PCDHA7: variants seen among roughly 807,000 people sequenced by gnomAD.
PCDHA7 encodes the protein protocadherin alpha-7.
In PCDHA7, 37 loss-of-function variants were observed where a neutral mutation model predicts 57.2. That is an observed-to-expected ratio of 0.65 (90% CI 0.50 to 0.85). The LOEUF (loss-of-function observed/expected upper bound fraction) is 0.85, where lower values mean the gene tolerates loss of function less well. PCDHA7 is among the 40% of genes least tolerant of loss of function. The pLI is 0.00. For missense variants in PCDHA7, 1,188 were observed against 1,241.8 expected (o/e 0.96, Z 0.65); for synonymous variants, 553 against 558.8 (o/e 0.99, Z 0.15).
rs567371259 is a variant in PCDHA7, at chr5:140,910,950, G to A, written c.2356-67999G>A. ...TAAGAAAGCTCAAGCAGTTCTTTTC[G>A]AGTGTAGCACACCTCCTCATGGGTT... On this transcript the variant is annotated intron_variant, in intron 1 of 3. Coordinates refer to ENST00000525929, the MANE Select transcript of PCDHA7 (RefSeq NM_018910.3). Among the ~76,000 whole-genome samples, 203 of 152,092 alleles carry A rather than the reference G, an allele frequency of 1.3e-3. 1 individual carries two copies. Among genetic ancestry groups the A allele is most frequent in the Non-Finnish European group, 2.4e-3 (165 of 68,000 alleles).
chr5:140,971,263 C>T (rs1554233162), intron 1 of PCDHA7, among the ~76,000 whole-genome samples: 1 of 152,186 alleles, frequency 6.6e-6, no homozygotes, highest in African/African-American at 2.4e-5. Flanking sequence ...CTATTTCTGT[C>T]TTACACTGAC....
Position 140,849,622 on chromosome 5 carries a change from A to G in PCDHA7, c.2355+12884A>G. The G allele has an allele frequency of 1.9e-6, 3 of 1,598,702 alleles. 1 individual carries two copies. The highest frequency in any genetic ancestry group is 2.6e-6 in the Non-Finnish European group (3 of 1,167,960). On this transcript the variant is annotated intron_variant, in intron 1 of 3. Coordinates refer to ENST00000525929, the MANE Select transcript of PCDHA7 (RefSeq NM_018910.3). Reference sequence around the variant, plus strand: ...GTTATTGCCCTGATTAGTGTGATCGACCTAGACGCAGATGCCAACGGGCAG... The same window carrying G: ...GTTATTGCCCTGATTAGTGTGATCGGCCTAGACGCAGATGCCAACGGGCAG...
chr5:140,884,319 C>T lies in PCDHA7; in HGVS notation c.2355+47581C>T. ...CCACAGGCTTCGTCGAGGGCGTCGG[C>T]AGGCGCTGTGGGTCCAGAAGCGGCG... On this transcript the variant is annotated intron_variant, in intron 1 of 3. Transcript: ENST00000525929. 6.2e-7 allele frequency: 1 copy of T among 1,613,800 alleles called. No homozygotes were observed. The highest frequency in any genetic ancestry group is 8.5e-7 in the Non-Finnish European group (1 of 1,179,860).
intron 1 of PCDHA7, among the ~76,000 whole-genome samples, chr5:140,912,180 T>C (rs2075805933): frequency 6.6e-6 from 1 of 152,168 alleles, no homozygotes; most frequent in South Asian, 2.1e-4. Flanking sequence ...TGGCAGCTGA[T>C]TAGATTGTGC....
intron 1 of PCDHA7, among the ~76,000 whole-genome samples, chr5:140,970,926 G>A (rs1179837731): frequency 6.6e-6 from 1 of 152,154 alleles, no homozygotes; most frequent in Non-Finnish European, 1.5e-5. Flanking sequence ...AGAAGTGCCT[G>A]GTGTTAGTCA....
chr5:140,996,232 T>C (rs1054290986), intron 3 of PCDHA7, among the ~76,000 whole-genome samples: 13 of 152,302 alleles, frequency 8.5e-5, no homozygotes, highest in South Asian at 4.1e-4. Flanking sequence ...AAATGGTTGC[T>C]CAAGGCTGAG....
rs782810123 is a variant in PCDHA7, at chr5:140,876,271, T to C, written c.2355+39533T>C. 1.9e-6 allele frequency: 3 copies of C among 1,613,926 alleles called. No individual in the cohort carries two copies. In the African/African-American group the frequency reaches 4.0e-5, roughly 22 times the overall value. On this transcript the variant is annotated intron_variant, in intron 1 of 3. Coordinates refer to ENST00000525929, the MANE Select transcript of PCDHA7 (RefSeq NM_018910.3). ...CACAAGAGTGATCCAACTAAATGCTTCCGATCCAGACGAAGGACTTAATGG... is the reference window on the plus strand; with the variant it reads ...CACAAGAGTGATCCAACTAAATGCTCCCGATCCAGACGAAGGACTTAATGG...
chr5:140,875,388 G>A, intron 1 of PCDHA7: 5 of 1,468,696 alleles, frequency 3.4e-6, no homozygotes, highest in Non-Finnish European at 4.5e-6. Flanking sequence ...TGTACTTACA[G>A]AAAAGGGTGA....
At chr5:140,870,715 G>C in intron 1 of PCDHA7, 1 of 1,613,128 alleles carries the variant, frequency 6.2e-7, no homozygotes, top group Non-Finnish European at 8.5e-7. Context: ...GAGCGCGCGC[G>C]ATGCGGGCGT....
intron 1 of PCDHA7, chr5:140,842,195 C>T (rs1165859216): frequency 1.9e-6 from 3 of 1,613,558 alleles, no homozygotes; most frequent in Non-Finnish European, 2.5e-6. Flanking sequence ...GGTTATTGAC[C>T]ACTTTAGCAT....
At chr5:140,949,544 T>A (rs981428881) in intron 1 of PCDHA7, among the ~76,000 whole-genome samples, 1 of 151,908 alleles carries the variant, frequency 6.6e-6, no homozygotes, top group Non-Finnish European at 1.5e-5. Flanking sequence ...TATCGATTTG[T>A]TGCTGGTCAT....
intron 1 of PCDHA7, chr5:140,968,039 G>A (rs1016266543): frequency 1.7e-5 from 28 of 1,614,026 alleles, no homozygotes; most frequent in Non-Finnish European, 1.9e-5. Context: ...GGTGGTGAGC[G>A]GCCCACTGGA....
intron 1 of PCDHA7, chr5:140,850,209 G>A (rs2150473302): frequency 1.9e-6 from 3 of 1,593,574 alleles, no homozygotes; most frequent in African/African-American, 2.7e-5. Context: ...TCGGATGAGG[G>A]GCACTGACGG....
At position 140,835,709 on chromosome 5, in the gene PCDHA7, C is replaced by A. The variant is rs2150242768; in HGVS notation, c.1326C>A (p.Ser442=). ...CTCTGTGGGCCACTGCTAGCGTGTCCGTGGAGGTGGCCGACGTGAACGACA... is the reference window on the plus strand; with the variant it reads ...CTCTGTGGGCCACTGCTAGCGTGTCAGTGGAGGTGGCCGACGTGAACGACA... ...SPSLWATASV[S]VEVADVNDNA... Residue 442 remains serine, a synonymous_variant, in exon 1 of 4, where the codon TCC becomes TCA. Transcript: ENST00000525929. 4 of 1,613,352 alleles carry A rather than the reference C, an allele frequency of 2.5e-6. No individual in the cohort carries two copies. Among genetic ancestry groups the A allele is most frequent in the Non-Finnish European group, 3.4e-6 (4 of 1,179,704 alleles).
Position 140,835,997 on chromosome 5 carries a change from C to A in PCDHA7, c.1614C>A (p.Arg538=). The change falls in exon 1 of 4, where the codon CGC becomes CGA. Residue 538 remains arginine, a synonymous_variant. Transcript: ENST00000525929. ...TGTTGCAGTTCCAGGTGAGCGCGCG[C>A]GATGCGGGCGTGCCGCCTCTGGGCA... ...LELLQFQVSA[R]DAGVPPLGSN... is the part of the protein sequence containing the mutation. 1 of 1,613,306 alleles carries A rather than the reference C, an allele frequency of 6.2e-7. No individual in the cohort carries two copies. Among genetic ancestry groups the A allele is most frequent in the Non-Finnish European group, 8.5e-7 (1 of 1,179,704 alleles).
At chr5:140,996,123 G>A (rs1554255007) in intron 3 of PCDHA7, among the ~76,000 whole-genome samples, 2 of 152,238 alleles carry the variant, frequency 1.3e-5, no homozygotes, top group African/African-American at 2.4e-5. Flanking sequence ...GCAGGGTGGT[G>A]TAGAGGGTTC....
At chr5:140,951,407 A>C (rs115221257) in intron 1 of PCDHA7, among the ~76,000 whole-genome samples, 1 of 152,068 alleles carries the variant, frequency 6.6e-6, no homozygotes, top group Admixed American at 6.6e-5. Flanking sequence ...AAAGAGGTTT[A>C]ATTGGCTCAC....
At chr5:140,981,939 A>G (rs765176340) in intron 2 of PCDHA7, among the ~76,000 whole-genome samples, 1 of 152,180 alleles carries the variant, frequency 6.6e-6, no homozygotes, top group Non-Finnish European at 1.5e-5. Context: ...CTCAGGAAAT[A>G]TAGGGTGGGT....
chr5:140,914,772 C>T lies in PCDHA7; in HGVS notation c.2356-64177C>T, dbSNP rs143748722. On this transcript the variant is annotated intron_variant, in intron 1 of 3. Transcript: ENST00000525929. ...ATTTGAGGTTACATGAGGTTTATGA[C>T]TTATCTTATGACCCATTATTTTAAA... Among the ~76,000 whole-genome samples, 1,217 of 151,940 alleles carry T rather than the reference C, an allele frequency of 8.0e-3. 6 individuals are homozygous for T. The highest frequency in any genetic ancestry group is 0.019 in the African/African-American group (786 of 41,464).
Sources: allele counts gnomAD v4.1 joint callset (sites outside exome capture counted in the v4.1 genomes callset), GRCh38; gene constraint gnomAD v4.1.1; transcripts MANE v1.5; gene names NCBI Gene and HGNC (gene_info 2026-07-23, HGNC 2026-07-21).